Variants in CUX1 observed in about 807,000 individuals in gnomAD.
CUX1 encodes protein CASP.
In CUX1, 31 loss-of-function variants were observed where a neutral mutation model predicts 158.8. The observed-to-expected ratio is 0.20, with a 90% confidence interval of 0.15 to 0.26. The LOEUF (loss-of-function observed/expected upper bound fraction) is 0.26, where lower values mean the gene tolerates loss of function less well. Among genes scored for constraint, CUX1 ranks in the 10% least tolerant of loss-of-function variants. The pLI, the probability that CUX1 is intolerant of heterozygous loss-of-function variation, is 1.00. For missense variants in CUX1, 1,589 were observed against 2,014.6 expected (o/e 0.79, Z 4.04); for synonymous variants, 879 against 862.1 (o/e 1.02, Z -0.34).
chr7:102,147,175 C>G (rs1835114863), intron 8 of CUX1, among the ~76,000 whole-genome samples: 1 of 152,128 alleles, frequency 6.6e-6, no homozygotes, highest in South Asian at 2.1e-4. Flanking sequence ...TGATCCGGGG[C>G]TTGGCAGATG....
upstream of CUX1, chr7:101,817,490 C>T (rs1791988327): frequency 2.7e-6 from 3 of 1,109,988 alleles, no homozygotes; most frequent in Non-Finnish European, 3.3e-6. This position sits in a 1 kb window ranked among gnomAD's most constrained non-coding sequence, Gnocchi z 4.1. Flanking sequence ...CGGGGCTCCC[C>T]GGCCCGCGCC....
At chr7:101,920,202 ACTTCCAC>A (rs1463980604) in intron 2 of CUX1, among the ~76,000 whole-genome samples, 1 of 151,118 alleles carries the variant, frequency 6.6e-6, no homozygotes, top group African/African-American at 2.4e-5. Flanking sequence ...GCTCACTGCA[ACTTCCAC>A]CTTCTGTGTT....
intron 2 of CUX1, among the ~76,000 whole-genome samples, chr7:102,002,502 T>C (rs1387325946): frequency 1.3e-5 from 2 of 152,216 alleles, no homozygotes; most frequent in African/African-American, 2.4e-5. Context: ...GGGCTTTGTA[T>C]AGAGATTGGG....
chr7:102,031,466 T>A (rs1820775407), intron 3 of CUX1, among the ~76,000 whole-genome samples: 1 of 152,178 alleles, frequency 6.6e-6, no homozygotes, highest in Admixed American at 6.6e-5. Flanking sequence ...TGATTCCTGA[T>A]ACCTTAAATT....
intron 9 of CUX1, among the ~76,000 whole-genome samples, chr7:102,161,684 C>T (rs893550601): frequency 4.6e-5 from 7 of 152,206 alleles, no homozygotes; most frequent in African/African-American, 1.7e-4. Flanking sequence ...GATCTCAGCT[C>T]ACTGCATCCT....
chr7:102,190,566 G>A (rs1440333060), intron 12 of CUX1, among the ~76,000 whole-genome samples: 2 of 152,140 alleles, frequency 1.3e-5, no homozygotes, highest in Non-Finnish European at 2.9e-5. Flanking sequence ...AGCTCCCCTG[G>A]ATCGTCAGCC....
chr7:101,955,933 T>C (rs1055376473), intron 2 of CUX1, among the ~76,000 whole-genome samples: 17 of 151,772 alleles, frequency 1.1e-4, no homozygotes, highest in African/African-American at 2.2e-4. Context: ...CCTGTAATCC[T>C]AGCACTTTGG....
Position 102,250,273 on chromosome 7 carries a change from A to G in CUX1, c.*1231A>G. The G allele has an allele frequency of 1.0e-6, 1 of 985,406 alleles. No homozygotes were observed. Among genetic ancestry groups the G allele is most frequent in the East Asian group, 1.1e-4 (1 of 8,798 alleles). 61.0% of individuals were successfully genotyped at this position (985,406 alleles called of 1,614,324 possible). A position where few individuals can be genotyped will look rare whatever the true frequency, so the allele number is the denominator to read the frequency against. On this transcript the variant is annotated 3_prime_UTR_variant, in exon 24 of 24. Coordinates refer to ENST00000292535, the MANE Select transcript of CUX1 (RefSeq NM_181552.4). ...CAAGCATTGAAAGAAAGGAGAGAGT[A>G]GTCCGGGCGAGCACAGCAGGCAGTT...
intron 1 of CUX1, among the ~76,000 whole-genome samples, chr7:101,859,407 C>T (rs1797203345): frequency 6.6e-6 from 1 of 152,198 alleles, no homozygotes; most frequent in Non-Finnish European, 1.5e-5. Flanking sequence ...CAACAAATTG[C>T]TTCCTTAACA....
chr7:101,880,678 G>A (rs1008678694), intron 1 of CUX1, among the ~76,000 whole-genome samples: 1 of 152,178 alleles, frequency 6.6e-6, no homozygotes, highest in African/African-American at 2.4e-5. Context: ...ATGAAATATA[G>A]ACTATAAAAG....
intron 8 of CUX1, among the ~76,000 whole-genome samples, chr7:102,131,774 G>A (rs1554497254): frequency 6.6e-6 from 1 of 151,502 alleles, no homozygotes; most frequent in African/African-American, 2.4e-5. Flanking sequence ...CCAGGTTCAA[G>A]CAGTTCTCCT....
At chr7:102,198,703 T>C in intron 15 of CUX1, 99 bp from the exon 16 acceptor site, 1 of 1,071,042 alleles carries the variant, frequency 9.3e-7, no homozygotes, top group Non-Finnish European at 1.4e-6. Context: ...AGCCCTTTCT[T>C]TAGTGACAGG....
chr7:102,053,708 C>T (rs913036002), intron 3 of CUX1, among the ~76,000 whole-genome samples: 2 of 151,776 alleles, frequency 1.3e-5, no homozygotes, highest in East Asian at 1.9e-4. Flanking sequence ...CTTTCTATGC[C>T]TGGCTAATTG....
At chr7:101,971,499 G>T (rs1811950091) in intron 2 of CUX1, among the ~76,000 whole-genome samples, 1 of 152,086 alleles carries the variant, frequency 6.6e-6, no homozygotes, top group Non-Finnish European at 1.5e-5. Context: ...AAAATAAATT[G>T]TAAATAAAGT....
At chr7:102,262,015 G>A (rs540267464), downstream of CUX1, among the ~76,000 whole-genome samples, 3 of 152,258 alleles carry the variant, frequency 2.0e-5, no homozygotes, top group African/African-American at 7.2e-5. Flanking sequence ...CTACTTGGGA[G>A]GCTGAAGGAT....
intron 1 of CUX1, among the ~76,000 whole-genome samples, chr7:101,864,006 G>T (rs1283174723): frequency 6.6e-6 from 1 of 152,126 alleles, no homozygotes; most frequent in South Asian, 2.1e-4. Flanking sequence ...GTGAACTCTG[G>T]TGTGTATATA....
At chr7:101,979,639 G>A (rs1813158127) in intron 2 of CUX1, among the ~76,000 whole-genome samples, 1 of 151,946 alleles carries the variant, frequency 6.6e-6, no homozygotes, top group African/African-American at 2.4e-5. Context: ...CAGGGCTCAG[G>A]TGTTTTCTTT....
intron 2 of CUX1, among the ~76,000 whole-genome samples, chr7:101,976,183 TG>T (rs1221516814): frequency 6.6e-6 from 1 of 152,224 alleles, no homozygotes; most frequent in Admixed American, 6.5e-5. Flanking sequence ...TCTTACATGT[TG>T]TAGAAATTTT....
Position 102,115,361 on chromosome 7 carries a change from C to T in CUX1, c.674+88C>T, listed in dbSNP as rs559266984. On this transcript the variant is annotated intron_variant, in intron 8 of 23. Coordinates refer to ENST00000292535, the MANE Select transcript of CUX1 (RefSeq NM_181552.4). Reference sequence around the variant, plus strand: ...GGGCAGGATCGAGAAGGTTCTTGACCTCTGTGCTGCTGCAGGGACACAGTG... The same window carrying T: ...GGGCAGGATCGAGAAGGTTCTTGACTTCTGTGCTGCTGCAGGGACACAGTG... 8.2e-6 allele frequency: 9 copies of T among 1,097,512 alleles called. No individual in the cohort carries two copies. The East Asian group carries it at 1.4e-4, about 18-fold the overall frequency. The allele number at this position is 1,097,512 out of a possible 1,614,324, so 68.0% of individuals were successfully genotyped here.
Sources: gnomAD v4.1 joint callset for allele counts (sites outside exome capture counted in the v4.1 genomes callset) on GRCh38, gnomAD v4.1.1 for gene constraint, Gnocchi (gnomAD v3.1) non-coding constraint, MANE v1.5 for transcripts, NCBI Gene and HGNC (gene_info 2026-07-23, HGNC 2026-07-21) for gene names.